Variants in LNPEP observed in about 807,000 individuals in gnomAD.
LNPEP encodes the protein leucyl-cystinyl aminopeptidase.
A neutral mutation model predicts 120.6 loss-of-function variants in LNPEP; 64 were observed. The ratio of observed to expected loss-of-function variants is 0.53; its 90% confidence interval spans 0.43 to 0.65. The LOEUF is 0.65. LNPEP is among the 30% of genes least tolerant of loss of function. LNPEP has a pLI of 0.00. For missense variants in LNPEP, 1,057 were observed against 1,200.0 expected, an observed-to-expected ratio of 0.88 and a Z score of 1.76; for synonymous variants, 435 against 425.4, an observed-to-expected ratio of 1.02 and a Z score of -0.28.
At chr5:97,007,665 CATT>C (rs1790818166) in intron 11 of LNPEP, among the ~76,000 whole-genome samples, 2 of 152,058 alleles carry the variant, frequency 1.3e-5, no homozygotes, top group African/African-American at 2.4e-5. Flanking sequence ...TAGTCAAAAT[CATT>C]ATGTATATAT....
chr5:96,955,429 A>G (rs1789443106), intron 1 of LNPEP, among the ~76,000 whole-genome samples: 1 of 152,276 alleles, frequency 6.6e-6, no homozygotes, highest in African/African-American at 2.4e-5. Context: ...AGCCTGGCCA[A>G]CAAGGCGATA....
chr5:96,997,733 G>T (rs1414622808), intron 7 of LNPEP, among the ~76,000 whole-genome samples: 2 of 152,044 alleles, frequency 1.3e-5, no homozygotes, highest in Non-Finnish European at 2.9e-5. Context: ...GTTGGCATTT[G>T]TTTACTTTGG....
At chr5:96,970,636 T>C (rs569743958) in intron 1 of LNPEP, among the ~76,000 whole-genome samples, 85 of 152,172 alleles carry the variant, frequency 5.6e-4, no homozygotes, top group Non-Finnish European at 1.1e-3. Context: ...GTGGGCAATT[T>C]TAGTATTTCA....
intron 1 of LNPEP, among the ~76,000 whole-genome samples, chr5:96,945,602 T>C (rs1789169506): frequency 1.3e-5 from 2 of 152,330 alleles, no homozygotes; most frequent in Non-Finnish European, 2.9e-5. Flanking sequence ...ATTTTATTGC[T>C]ACAAAGAGTG....
At chr5:96,983,037 TTCTA>T (rs1185687143) in intron 2 of LNPEP, among the ~76,000 whole-genome samples, 2 of 152,184 alleles carry the variant, frequency 1.3e-5, no homozygotes, top group Non-Finnish European at 1.5e-5. Context: ...TGGCAGTGGA[TTCTA>T]TCTCAGTCCT....
At chr5:97,017,216 C>T (rs2112661811) in intron 13 of LNPEP, among the ~76,000 whole-genome samples, 1 of 152,184 alleles carries the variant, frequency 6.6e-6, no homozygotes, top group Non-Finnish European at 1.5e-5. Flanking sequence ...CTTGAATTTA[C>T]ATTTTTCTAC....
intron 1 of LNPEP, among the ~76,000 whole-genome samples, chr5:96,967,607 A>C (rs554277306): frequency 6.6e-6 from 1 of 152,172 alleles, no homozygotes; most frequent in Admixed American, 6.6e-5. Flanking sequence ...TCACTGAAAT[A>C]CTACTAAGTC....
rs1791568896 is a variant in LNPEP at position 97,036,151 on chromosome 5, G to C, written c.*7618G>C. ...TATGATTCCATCAATTGCATAGCTT[G>C]TGTACCTGGTAGAAATTGTGTCTTG... On this transcript the variant is annotated 3_prime_UTR_variant, in exon 18 of 18. Coordinates refer to ENST00000231368, the MANE Select transcript of LNPEP (RefSeq NM_005575.3). 6.6e-6 allele frequency: 1 copy of C among 152,126 alleles called. No individual in the cohort carries two copies. Among genetic ancestry groups the C allele is most frequent in the Non-Finnish European group, 1.5e-5 (1 of 68,014 alleles). 9.4% of individuals were successfully genotyped at this position (152,126 alleles called of 1,614,324 possible).
chr5:97,006,243 C>T lies in LNPEP; in HGVS notation c.1946+10C>T. 3.1e-6 allele frequency: 5 copies of T among 1,590,438 alleles called. No homozygotes were observed. The highest frequency in any genetic ancestry group is 4.3e-6 in the Non-Finnish European group (5 of 1,169,834). On this transcript the variant is annotated intron_variant, in intron 10 of 17. Transcript: ENST00000231368. ...AGCCTTCAGATACAAGGTACATGCC[C>T]TCTTTCTTTTCATGCCATCTCTTTT...
intron 1 of LNPEP, among the ~76,000 whole-genome samples, chr5:96,965,233 T>A (rs1220582969): frequency 2.0e-5 from 3 of 152,100 alleles, no homozygotes; most frequent in Non-Finnish European, 2.9e-5. Context: ...AAGCTTTCAT[T>A]TTGCATTTGG....
intron 7 of LNPEP, among the ~76,000 whole-genome samples, chr5:96,997,400 A>G (rs1265851970): frequency 6.6e-6 from 1 of 152,130 alleles, no homozygotes; most frequent in Non-Finnish European, 1.5e-5. Context: ...AAGATATTCT[A>G]AATCCATGTA....
chr5:97,026,909 A>G (rs1047156097), intron 16 of LNPEP, 152 bp downstream of exon 16: 1 of 624,658 alleles, frequency 1.6e-6, no homozygotes, highest in South Asian at 2.1e-5. Flanking sequence ...AAATTTTCAC[A>G]TTTGTTAACA....
intron 11 of LNPEP, among the ~76,000 whole-genome samples, chr5:97,007,332 A>G (rs570193394): frequency 1.8e-4 from 27 of 152,268 alleles, no homozygotes; most frequent in Middle Eastern, 3.4e-3. Flanking sequence ...AATTCTTAGC[A>G]GTACCATTGA....
intron 4 of LNPEP, among the ~76,000 whole-genome samples, chr5:96,986,907 G>A (rs890097182): frequency 2.6e-5 from 4 of 152,148 alleles, no homozygotes; most frequent in African/African-American, 9.7e-5. Context: ...GAGAATTTTA[G>A]TAAGACACTA....
chr5:97,008,752 C>T (rs944749321), intron 11 of LNPEP, among the ~76,000 whole-genome samples: 1 of 150,298 alleles, frequency 6.7e-6, no homozygotes, highest in Non-Finnish European at 1.5e-5. Context: ...GCAAGCTCCG[C>T]CTCCCGGGTT....
chr5:97,003,356 T>C, intron 8 of LNPEP, 59 bp from the exon 9 acceptor site: 1 of 1,012,900 alleles, frequency 9.9e-7, no homozygotes, highest in Non-Finnish European at 1.4e-6. Context: ...GATTCCCAAT[T>C]CGATAATCTA....
rs964534871 is a variant in LNPEP at position 97,018,981 on chromosome 5, A to G, written c.2377-3319A>G. On this transcript the variant is annotated intron_variant, in intron 13 of 17. Transcript: ENST00000231368. Reference sequence around the variant, plus strand: ...TCTGTCATTCTTTTACATATGAGGCATTGGTGGGATAAACCTTTTGCAATA... The same window carrying G: ...TCTGTCATTCTTTTACATATGAGGCGTTGGTGGGATAAACCTTTTGCAATA... Among the ~76,000 whole-genome samples, 7 of 152,190 alleles carry G rather than the reference A, an allele frequency of 4.6e-5. No individual in the cohort carries two copies. The East Asian group carries it at 1.2e-3, about 25-fold the overall frequency.
At position 97,013,705 on chromosome 5, in the gene LNPEP, G is replaced by C. The variant is rs766197000; in HGVS notation, c.2093G>C (p.Gly698Ala). Residue 698 changes from glycine to alanine, a missense_variant, in exon 12 of 18, where the codon GGT (glycine) becomes GCT (alanine). Coordinates refer to ENST00000231368, the MANE Select transcript of LNPEP (RefSeq NM_005575.3). The part of the protein sequence containing the change: ...LWVKVNINMN[G>A]YYIVHYADDD... ...GTCAAAGTGAATATAAACATGAATGGTTATTATATTGTACACTATGCAGAT... is the reference window on the plus strand; with the variant it reads ...GTCAAAGTGAATATAAACATGAATGCTTATTATATTGTACACTATGCAGAT... 6.9e-6 allele frequency: 11 copies of C among 1,601,404 alleles called. No individual in the cohort carries two copies. The highest frequency in any genetic ancestry group is 8.5e-6 in the Non-Finnish European group (10 of 1,172,292).
chr5:97,016,583 C>T (rs951824020), intron 13 of LNPEP, among the ~76,000 whole-genome samples: 9 of 152,108 alleles, frequency 5.9e-5, no homozygotes, highest in Admixed American at 1.3e-4. Context: ...GTCCTAGCAA[C>T]GTCGTCTTTC....
Sources: allele counts gnomAD v4.1 joint callset (sites outside exome capture counted in the v4.1 genomes callset), GRCh38; gene constraint gnomAD v4.1.1; transcripts MANE v1.5; gene names NCBI Gene and HGNC (gene_info 2026-07-23, HGNC 2026-07-21).